The following ASTN2 variants were observed in gnomAD, a reference collection of about 807,000 sequenced individuals.
The protein encoded by ASTN2 is astrotactin 2.
ASTN2 carries 54 observed loss-of-function variants against 139.8 expected under a neutral mutation model. The observed-to-expected ratio is 0.39, with a 90% CI of 0.31 to 0.48. The LOEUF is 0.48. ASTN2 is among the 20% of genes least tolerant of loss of function. ASTN2 has a pLI of 0.95. For missense variants in ASTN2, 1,565 were observed against 1,725.1 expected (o/e 0.91, Z 1.64); for synonymous variants, 756 against 719.5 (o/e 1.05, Z -0.81).
At chr9:116,518,092 T>C (rs57691685) in intron 19 of ASTN2, among the ~76,000 whole-genome samples, 25,472 of 152,086 alleles carry the variant, frequency 0.17, 2,392 homozygotes, top group African/African-American at 0.24. Context: ...TTTGAGGGAA[T>C]AATCAAGGAA....
intron 19 of ASTN2, among the ~76,000 whole-genome samples, chr9:116,552,487 CCT>C (rs1213971298): frequency 2.0e-5 from 3 of 152,280 alleles, no homozygotes; most frequent in African/African-American, 7.2e-5. Flanking sequence ...CTAGAATTTG[CCT>C]CTCTCAGTGA....
intron 10 of ASTN2, among the ~76,000 whole-genome samples, chr9:116,941,922 G>A (rs980016982): frequency 6.6e-6 from 1 of 151,306 alleles, no homozygotes; most frequent in Admixed American, 6.6e-5. Flanking sequence ...GAAGAACACT[G>A]GGCCAGCAGA....
At chr9:116,565,445 T>A (rs1360737017) in intron 19 of ASTN2, among the ~76,000 whole-genome samples, 2 of 123,194 alleles carry the variant, frequency 1.6e-5, no homozygotes, top group African/African-American at 6.2e-5. Context: ...TTATTTATTT[T>A]GAGACAGTGT....
chr9:116,750,612 C>T (rs549159840), intron 13 of ASTN2, among the ~76,000 whole-genome samples: 2 of 152,246 alleles, frequency 1.3e-5, no homozygotes, highest in African/African-American at 4.8e-5. Flanking sequence ...AGAAAGAAAA[C>T]ACCCAAAGGC....
chr9:116,989,105 G>A (rs1480663688), intron 7 of ASTN2, among the ~76,000 whole-genome samples: 1 of 152,064 alleles, frequency 6.6e-6, no homozygotes, highest in East Asian at 1.9e-4. Context: ...TTGCAAAAGG[G>A]TTCTTCACTC....
chr9:116,785,156 A>T (rs1024107861), intron 13 of ASTN2, among the ~76,000 whole-genome samples: 1 of 152,116 alleles, frequency 6.6e-6, no homozygotes, highest in South Asian at 2.1e-4. Flanking sequence ...ATGCGTTTGG[A>T]CAGTGAAGCT....
At chr9:116,924,621 A>G (rs552385931) in intron 10 of ASTN2, among the ~76,000 whole-genome samples, 2 of 152,240 alleles carry the variant, frequency 1.3e-5, no homozygotes, top group East Asian at 3.9e-4. Flanking sequence ...AGACCATATA[A>G]GGTAACTTTC....
intron 16 of ASTN2, among the ~76,000 whole-genome samples, chr9:116,689,444 C>T (rs555914032): frequency 2.6e-5 from 4 of 152,274 alleles, no homozygotes; most frequent in African/African-American, 7.2e-5. Flanking sequence ...CTTCTTTACT[C>T]AGTTTTCATG....
At chr9:116,787,792 GA>G (rs1423099951) in intron 13 of ASTN2, among the ~76,000 whole-genome samples, 1 of 151,950 alleles carries the variant, frequency 6.6e-6, no homozygotes, top group Non-Finnish European at 1.5e-5. Context: ...TCCTGTATCA[GA>G]AAAAGGACAT....
At chr9:117,124,748 C>T (rs10983538) in intron 4 of ASTN2, among the ~76,000 whole-genome samples, 16,565 of 150,022 alleles carry the variant, frequency 0.11, 1,101 homozygotes, top group East Asian at 0.17. Context: ...GAGGCTGTAG[C>T]GAGCCACCGT....
At chr9:116,509,186 G>A (rs4837579) in intron 19 of ASTN2, among the ~76,000 whole-genome samples, 25,446 of 151,992 alleles carry the variant, frequency 0.17, 2,391 homozygotes, top group African/African-American at 0.24. Context: ...AGGCCCTGGC[G>A]TGTGATGTTC....
At chr9:117,359,473 G>A (rs573376208) in intron 1 of ASTN2, among the ~76,000 whole-genome samples, 1 of 152,306 alleles carries the variant, frequency 6.6e-6, no homozygotes, top group South Asian at 2.1e-4. Context: ...TAAGGCTTTA[G>A]TCATTCTACT....
chr9:117,087,647 G>C (rs1828603099), intron 5 of ASTN2, among the ~76,000 whole-genome samples: 1 of 152,178 alleles, frequency 6.6e-6, no homozygotes, highest in Non-Finnish European at 1.5e-5. Flanking sequence ...ACAATTGCAT[G>C]GTGGATGCAC....
rs150083507 is a variant in ASTN2, at chr9:116,454,783, G to A, written c.3498-12230C>T. 3.0e-4 allele frequency among the ~76,000 whole-genome samples: 46 copies of A among 152,246 alleles called. No individual in the cohort carries two copies. The East Asian group carries it at 5.2e-3, about 17-fold the overall frequency. On this transcript the variant is annotated intron_variant, in intron 20 of 22. Transcript: ENST00000313400. ...AAACCATCATTCTGAGCAAACTATCGCAAGGACAGAAAACCAAGCATCGCA... is the reference window on the plus strand; with the variant it reads ...AAACCATCATTCTGAGCAAACTATCACAAGGACAGAAAACCAAGCATCGCA...
intron 11 of ASTN2, among the ~76,000 whole-genome samples, chr9:116,840,682 G>A (rs1290230155): frequency 1.2e-5 from 1 of 86,798 alleles, no homozygotes; most frequent in Non-Finnish European, 2.9e-5. Context: ...CCAGGCAGAG[G>A]GTCTCCTCAC....
intron 13 of ASTN2, among the ~76,000 whole-genome samples, chr9:116,774,311 T>G (rs1425188265): frequency 1.3e-5 from 2 of 152,172 alleles, no homozygotes; most frequent in African/African-American, 4.8e-5. Context: ...GACAAGAATC[T>G]GTATCTCGTG....
intron 19 of ASTN2, among the ~76,000 whole-genome samples, chr9:116,542,850 G>A (rs561825004): frequency 6.6e-6 from 1 of 152,170 alleles, no homozygotes; most frequent in South Asian, 2.1e-4. Flanking sequence ...AGCCTGGGAG[G>A]CAGAGATTGC....
At chr9:117,323,774 TTATA>T (rs907794117) in intron 1 of ASTN2, among the ~76,000 whole-genome samples, 1 of 152,160 alleles carries the variant, frequency 6.6e-6, no homozygotes, top group Non-Finnish European at 1.5e-5. Context: ...TTTTCTTTCT[TTATA>T]TATATATTTT....
chr9:117,266,565 G>C (rs1381887522), intron 2 of ASTN2, among the ~76,000 whole-genome samples: 1 of 152,172 alleles, frequency 6.6e-6, no homozygotes, highest in African/African-American at 2.4e-5. Flanking sequence ...GACCAGCAAG[G>C]CTGCTGAGCA....
Sources: allele counts gnomAD v4.1 joint callset (sites outside exome capture counted in the v4.1 genomes callset), GRCh38; gene constraint gnomAD v4.1.1; transcripts MANE v1.5; gene names NCBI Gene and HGNC (gene_info 2026-07-23, HGNC 2026-07-21).